The following TRIO variants were observed in gnomAD, a reference collection of about 807,000 sequenced individuals.
TRIO encodes the protein triple functional domain protein.
In TRIO, 58 loss-of-function variants were observed where a neutral mutation model predicts 351.9. The ratio of observed to expected loss-of-function variants is 0.16; its 90% CI spans 0.13 to 0.21. The LOEUF (loss-of-function observed/expected upper bound fraction) is 0.21. TRIO is among the 10% of genes least tolerant of loss of function. TRIO has a pLI of 1.00. For synonymous variants in TRIO, 1,758 were observed against 1,595.7 expected (o/e 1.10, Z -2.42); for missense variants, 3,201 against 4,027.8 (o/e 0.79, Z 5.56).
At position 14,497,923 on chromosome 5, in the gene TRIO, TG is replaced by T. The variant is rs1398030844; in HGVS notation, c.8047+53del. 1 of 1,613,632 alleles carries T rather than the reference TG, an allele frequency of 6.2e-7. No individual in the cohort carries two copies. The highest frequency in any genetic ancestry group is 1.7e-5 in the Admixed American group (1 of 60,016). On this transcript the variant is annotated intron_variant, in intron 51 of 56. Transcript: ENST00000344204. The surrounding 1 kb of genome is among the most constrained non-coding windows in gnomAD (Gnocchi z 4.4). ...AGTCCTAGAGATGATTCTAGACCTGTGGGGCATGTTTCAGAGCACTTGAGTG... is the reference window on the plus strand; with the variant it reads ...AGTCCTAGAGATGATTCTAGACCTGTGGGCATGTTTCAGAGCACTTGAGTG...
intron 15 of TRIO, among the ~76,000 whole-genome samples, chr5:14,365,592 A>T (rs1744525208): frequency 6.6e-6 from 1 of 152,252 alleles, no homozygotes; most frequent in South Asian, 2.1e-4. Flanking sequence ...GTGACCTGCT[A>T]ACAAAGCCCT....
intron 1 of TRIO, among the ~76,000 whole-genome samples, chr5:14,177,660 C>T (rs949375762): frequency 6.6e-6 from 1 of 152,204 alleles, no homozygotes; most frequent in Non-Finnish European, 1.5e-5. Flanking sequence ...GGTCCCAGAG[C>T]CCAGGACCCC....
chr5:14,266,761 A>C (rs1277606068), intron 1 of TRIO, among the ~76,000 whole-genome samples: 1 of 152,224 alleles, frequency 6.6e-6, no homozygotes, highest in Non-Finnish European at 1.5e-5. Context: ...TTTAGTTAAC[A>C]ACTATAAAAT....
intron 6 of TRIO, among the ~76,000 whole-genome samples, chr5:14,294,457 A>G (rs1191644342): frequency 1.3e-5 from 2 of 152,186 alleles, no homozygotes; most frequent in African/African-American, 4.8e-5. Flanking sequence ...TTTTTTTAGA[A>G]TTTTCTGAAA....
chr5:14,159,118 G>A (rs1157407671), intron 1 of TRIO, among the ~76,000 whole-genome samples: 8 of 152,096 alleles, frequency 5.3e-5, no homozygotes, highest in Non-Finnish European at 8.8e-5. Flanking sequence ...CTACTCTGAC[G>A]TGCGTCTCTT....
In TRIO at chr5:14,368,266, G is replaced by T. The variant is rs534103689; in HGVS notation, c.2875-442G>T. 1.4e-4 allele frequency among the ~76,000 whole-genome samples: 22 copies of T among 152,234 alleles called. 1 individual carries two copies. In the South Asian group the frequency reaches 4.4e-3, roughly 30 times the overall value. ...AATAGTTCTTGAAAACTTTTCACTG[G>T]AGTCCAGAGTTTAAGTTGCAAGTGA... On this transcript the variant is annotated intron_variant, in intron 16 of 56. Coordinates refer to ENST00000344204, the MANE Select transcript of TRIO (RefSeq NM_007118.4).
At chr5:14,496,055 C>T (rs1756872401) in intron 49 of TRIO, among the ~76,000 whole-genome samples, 2 of 152,218 alleles carry the variant, frequency 1.3e-5, no homozygotes, top group Admixed American at 6.5e-5. Context: ...CAAGACCCTC[C>T]ACTAGCAAAA....
intron 9 of TRIO, among the ~76,000 whole-genome samples, chr5:14,329,539 A>G (rs1008811245): frequency 1.3e-5 from 2 of 152,212 alleles, no homozygotes; most frequent in African/African-American, 4.8e-5. Context: ...TAGTGTCCAG[A>G]CTATGAAGCC....
intron 1 of TRIO, among the ~76,000 whole-genome samples, chr5:14,167,782 A>C (rs1340166383): frequency 6.6e-6 from 1 of 152,208 alleles, no homozygotes; most frequent in Non-Finnish European, 1.5e-5. Flanking sequence ...GGGTGGATGC[A>C]CCATGAAGGG....
chr5:14,238,426 C>T (rs1255023957), intron 1 of TRIO, among the ~76,000 whole-genome samples: 1 of 152,150 alleles, frequency 6.6e-6, no homozygotes, highest in East Asian at 1.9e-4. Flanking sequence ...ATCTGCTGTC[C>T]CATCTTTGTG....
rs1788408813 is a variant in TRIO, at chr5:14,160,897, T to G, written c.157+17015T>G. Among the ~76,000 whole-genome samples, 2 of 152,226 alleles carry G rather than the reference T, an allele frequency of 1.3e-5. 1 individual carries two copies. Among genetic ancestry groups the G allele is most frequent in the Admixed American group, 1.3e-4 (2 of 15,288 alleles). ...GGCACTTTGTAACCAAGGCCACATGTGATGCCCAAACATACATTTATTATT... is the reference window on the plus strand; with the variant it reads ...GGCACTTTGTAACCAAGGCCACATGGGATGCCCAAACATACATTTATTATT... On this transcript the variant is annotated intron_variant, in intron 1 of 56. Transcript: ENST00000344204.
intron 1 of TRIO, among the ~76,000 whole-genome samples, chr5:14,220,784 CA>C (rs1165735251): frequency 1.3e-5 from 2 of 152,206 alleles, no homozygotes; most frequent in Non-Finnish European, 2.9e-5. Flanking sequence ...TGGAAGCTAG[CA>C]GAGGTTAAAT....
chr5:14,393,538 T>C (rs568128992), intron 27 of TRIO, among the ~76,000 whole-genome samples: 2 of 152,378 alleles, frequency 1.3e-5, no homozygotes, highest in East Asian at 3.9e-4. Flanking sequence ...CCAGGCTATC[T>C]GATAACCTTT....
chr5:14,389,896 C>T (rs1485416509), intron 25 of TRIO, among the ~76,000 whole-genome samples: 1 of 152,204 alleles, frequency 6.6e-6, no homozygotes, highest in African/African-American at 2.4e-5. Flanking sequence ...CTTTAGGTGG[C>T]CTGTGATGAG....
intron 18 of TRIO, among the ~76,000 whole-genome samples, chr5:14,373,087 A>G (rs1025226255): frequency 1.3e-5 from 2 of 148,464 alleles, no homozygotes; most frequent in African/African-American, 5.3e-5. Flanking sequence ...TCACAAAACC[A>G]TCACATCTTG....
chr5:14,343,241 G>A lies in TRIO; in HGVS notation c.2046+6514G>A, dbSNP rs181477524. Among the ~76,000 whole-genome samples the A allele has an allele frequency of 1.1e-4, 17 of 152,194 alleles. No individual in the cohort carries two copies. In the South Asian group the frequency reaches 1.5e-3, roughly 13 times the overall value. On this transcript the variant is annotated intron_variant, in intron 11 of 56. Coordinates refer to ENST00000344204, the MANE Select transcript of TRIO (RefSeq NM_007118.4). Reference sequence around the variant, plus strand: ...AGCCCTCAAGGCTTATTCACTTTCCGCGAGGTTTAGATGTGTATGTGTGCC... The same window carrying A: ...AGCCCTCAAGGCTTATTCACTTTCCACGAGGTTTAGATGTGTATGTGTGCC...
intron 1 of TRIO, among the ~76,000 whole-genome samples, chr5:14,181,198 G>A (rs1013585779): frequency 2.0e-5 from 3 of 151,730 alleles, no homozygotes; most frequent in Non-Finnish European, 4.4e-5. Context: ...CTTATTTAAG[G>A]GATATAGAAT....
intron 1 of TRIO, among the ~76,000 whole-genome samples, chr5:14,242,528 C>T (rs1010051547): frequency 6.6e-6 from 1 of 152,162 alleles, no homozygotes; most frequent in African/African-American, 2.4e-5. Flanking sequence ...GTTTTGTATC[C>T]ATACTGGTTC....
At chr5:14,379,376 G>A (rs1025549921) in intron 20 of TRIO, among the ~76,000 whole-genome samples, 1 of 152,184 alleles carries the variant, frequency 6.6e-6, no homozygotes, top group African/African-American at 2.4e-5. Flanking sequence ...GTTCCAATCT[G>A]AAAAATGTAA....
Sources: gnomAD v4.1 joint callset for allele counts (sites outside exome capture counted in the v4.1 genomes callset) on GRCh38, gnomAD v4.1.1 for gene constraint, Gnocchi (gnomAD v3.1) non-coding constraint, MANE v1.5 for transcripts, NCBI Gene and HGNC (gene_info 2026-07-23, HGNC 2026-07-21) for gene names.